Variants in ZNF346 observed in about 807,000 individuals in gnomAD.
ZNF346 encodes zinc finger protein 346.
A neutral mutation model predicts 33.7 loss-of-function variants in ZNF346; 23 were observed. The ratio of observed to expected loss-of-function variants is 0.68; its 90% CI spans 0.49 to 0.97. The LOEUF (loss-of-function observed/expected upper bound fraction) is 0.97. Among genes scored for constraint, ZNF346 ranks in the 50% least tolerant of loss-of-function variants. The pLI, the probability that ZNF346 is intolerant of heterozygous loss-of-function variation, is 0.00. For synonymous variants in ZNF346, 134 were observed against 142.4 expected (o/e 0.94, Z 0.42); for missense variants, 340 against 371.1 (o/e 0.92, Z 0.69).
rs1407027169 is a variant in ZNF346, at chr5:177,067,527, A to G, written c.*2928A>G. 6.6e-6 allele frequency among the ~76,000 whole-genome samples: 1 copy of G among 152,216 alleles called. No individual in the cohort carries two copies. The highest frequency in any genetic ancestry group is 1.5e-5 in the Non-Finnish European group (1 of 68,034). Reference sequence around the variant, plus strand: ...TCAGCCCCATCTACCAAGCAAGGAAATGAAGGGCAGGGGGTGAGTGGGCTA... The same window carrying G: ...TCAGCCCCATCTACCAAGCAAGGAAGTGAAGGGCAGGGGGTGAGTGGGCTA... On this transcript the variant is annotated 3_prime_UTR_variant, in exon 7 of 7. Coordinates refer to ENST00000358149, the MANE Select transcript of ZNF346 (RefSeq NM_012279.4).
At position 177,041,230 on chromosome 5, in the gene ZNF346, G is replaced by A; in HGVS notation, c.279+1G>A. ...GTCCCAGAAGCTGGCACATTACCAG[G>A]TATGCCATCATACTTTTAGAACTGC... On this transcript the variant is annotated splice_donor_variant, in intron 2 of 6. Transcript: ENST00000358149. LOFTEE classifies it high-confidence loss of function. 1 of 1,612,042 alleles carries A rather than the reference G, an allele frequency of 6.2e-7. No individual in the cohort carries two copies. The highest frequency in any genetic ancestry group is 8.5e-7 in the Non-Finnish European group (1 of 1,178,106).
At chr5:177,056,866 TAACA>T (rs1260321879) in intron 5 of ZNF346, among the ~76,000 whole-genome samples, 5 of 152,174 alleles carry the variant, frequency 3.3e-5, no homozygotes, top group African/African-American at 9.7e-5. Flanking sequence ...TATACGTGTG[TAACA>T]AACCTGCACG....
At chr5:177,024,834 G>A (rs908381078) in intron 1 of ZNF346, among the ~76,000 whole-genome samples, 1 of 152,202 alleles carries the variant, frequency 6.6e-6, no homozygotes, top group East Asian at 1.9e-4. Context: ...GTATATGAGT[G>A]TATAGTGGCA....
chr5:177,043,475 G>T (rs570954697), intron 3 of ZNF346, among the ~76,000 whole-genome samples: 3 of 151,976 alleles, frequency 2.0e-5, no homozygotes, highest in Non-Finnish European at 4.4e-5. Flanking sequence ...CAAGTAGAAC[G>T]CAATGGGAGG....
chr5:177,044,170 G>C lies in ZNF346; in HGVS notation c.373-219G>C, dbSNP rs192564475. 8.2e-4 allele frequency among the ~76,000 whole-genome samples: 125 copies of C among 152,270 alleles called. 1 individual carries two copies. The highest frequency in any genetic ancestry group is 2.9e-3 in the African/African-American group (122 of 41,566). On this transcript the variant is annotated intron_variant, in intron 3 of 6. Transcript: ENST00000358149. Reference sequence around the variant, plus strand: ...GGAAGGAAGCACATTTTAGACAGCAGGAATGGCCAAAGCAAAGCAAGGAAG... The same window carrying C: ...GGAAGGAAGCACATTTTAGACAGCACGAATGGCCAAAGCAAAGCAAGGAAG...
chr5:177,060,940 C>T (rs1401600360), intron 5 of ZNF346, among the ~76,000 whole-genome samples: 1 of 151,922 alleles, frequency 6.6e-6, no homozygotes. Context: ...GAAACCCCAT[C>T]TCTACTAAAA....
At chr5:177,063,592 C>G (rs1782814258) in intron 6 of ZNF346, among the ~76,000 whole-genome samples, 1 of 152,080 alleles carries the variant, frequency 6.6e-6, no homozygotes, top group South Asian at 2.1e-4. Context: ...CAGAGCCCCT[C>G]CCTGGGGCTA....
intron 1 of ZNF346, among the ~76,000 whole-genome samples, chr5:177,026,004 T>A (rs1057454351): frequency 3.9e-5 from 6 of 151,942 alleles, no homozygotes; most frequent in African/African-American, 1.5e-4. Flanking sequence ...ATTATTTTTT[T>A]TTTTGAGATG....
At chr5:177,035,365 G>A (rs991176295) in intron 1 of ZNF346, among the ~76,000 whole-genome samples, 5 of 152,078 alleles carry the variant, frequency 3.3e-5, no homozygotes, top group Non-Finnish European at 7.4e-5. Flanking sequence ...CAAATCTTTT[G>A]CACCCTGGAG....
intron 1 of ZNF346, among the ~76,000 whole-genome samples, chr5:177,037,106 G>T (rs549910494): frequency 2.0e-5 from 3 of 151,812 alleles, no homozygotes; most frequent in African/African-American, 7.3e-5. Context: ...AGTTTTGTCC[G>T]GTTTTGTCAG....
intron 8 of ZNF346, among the ~76,000 whole-genome samples, chr5:177,079,170 G>T (rs2149722897): frequency 6.6e-6 from 1 of 151,408 alleles, no homozygotes; most frequent in East Asian, 2.0e-4. Context: ...TACTCAGGAG[G>T]GTGAGGCAGG....
chr5:177,032,647 G>A (rs1294864577), intron 1 of ZNF346, among the ~76,000 whole-genome samples: 1 of 152,112 alleles, frequency 6.6e-6, no homozygotes, highest in Non-Finnish European at 1.5e-5. Flanking sequence ...CTGACCTCAG[G>A]TGATCCGCCC....
At chr5:177,025,441 C>T (rs1776621873) in intron 1 of ZNF346, among the ~76,000 whole-genome samples, 1 of 150,954 alleles carries the variant, frequency 6.6e-6, no homozygotes, top group African/African-American at 2.4e-5. Context: ...ATTGCTGGGT[C>T]ATATCGTAAC....
chr5:177,026,122 A>G (rs1251647684), intron 1 of ZNF346, among the ~76,000 whole-genome samples: 5 of 151,544 alleles, frequency 3.3e-5, no homozygotes, highest in African/African-American at 1.2e-4. Flanking sequence ...CTCCTGCCTC[A>G]GCGTCCCGAG....
chr5:177,030,713 G>A (rs574086606), intron 1 of ZNF346, among the ~76,000 whole-genome samples: 2 of 151,976 alleles, frequency 1.3e-5, no homozygotes, highest in East Asian at 3.9e-4. Flanking sequence ...ACAGAGTTCT[G>A]CAACCATCAC....
intron 5 of ZNF346, among the ~76,000 whole-genome samples, chr5:177,052,157 T>C (rs1452204727): frequency 6.6e-6 from 1 of 150,644 alleles, no homozygotes; most frequent in East Asian, 1.9e-4. Context: ...AGCGAGAACA[T>C]GTATCAAAAA....
intron 1 of ZNF346, among the ~76,000 whole-genome samples, chr5:177,028,038 C>T (rs1777058624): frequency 1.1e-5 from 1 of 92,374 alleles, no homozygotes; most frequent in African/African-American, 4.7e-5. Context: ...CTCCTTGTGT[C>T]ACTTTTTTTT....
chr5:177,047,030 T>TTTA (rs1780144380), intron 4 of ZNF346, among the ~76,000 whole-genome samples: 1 of 147,794 alleles, frequency 6.8e-6, no homozygotes, highest in Non-Finnish European at 1.5e-5. Context: ...TTTTATTTAT[T>TTTA]TTTATTTATT....
At chr5:177,032,310 T>G (rs1777846378) in intron 1 of ZNF346, among the ~76,000 whole-genome samples, 1 of 150,718 alleles carries the variant, frequency 6.6e-6, no homozygotes, top group East Asian at 1.9e-4. Context: ...AGCCTTTTTT[T>G]GTTTTTGTTT....
Sources: gnomAD v4.1 joint callset for allele counts (sites outside exome capture counted in the v4.1 genomes callset) on GRCh38, gnomAD v4.1.1 for gene constraint, MANE v1.5 for transcripts, NCBI Gene and HGNC (gene_info 2026-07-23, HGNC 2026-07-21) for gene names.